Variants in GOSR2 observed in about 807,000 individuals in gnomAD.
The protein encoded by GOSR2 is golgi SNAP receptor complex member 2.
GOSR2 carries 20 observed loss-of-function variants against 27.9 expected under a neutral mutation model. That is an observed-to-expected ratio of 0.72 (90% CI 0.50 to 1.04). GOSR2 has a LOEUF of 1.04. GOSR2 is among the 50% of genes least tolerant of loss of function. GOSR2 has a pLI of 0.00. For synonymous variants in GOSR2, 91 were observed against 98.8 expected, an observed-to-expected ratio of 0.92 and a Z score of 0.47; for missense variants, 261 against 270.5, an observed-to-expected ratio of 0.97 and a Z score of 0.25.
At chr17:46,936,075 A>G in intron 5 of GOSR2, 33 of 985,826 alleles carry the variant, frequency 3.3e-5, no homozygotes, top group Non-Finnish European at 4.0e-5. Context: ...AGGGTCAGGC[A>G]AGCTGCAAGT....
At position 46,938,896 on chromosome 17, in the gene GOSR2, G is replaced by A; in HGVS notation, c.*136G>A. On this transcript the variant is annotated 3_prime_UTR_variant, in exon 6 of 6. Transcript: ENST00000640051. The stretch of plus-strand genomic sequence containing the variant: ...ACTGTGAAGACACTTGGGAGTGATT[G>A]TGGTCTAATTTCCAACCTGCTCTGT... The A allele has an allele frequency of 2.6e-6, 4 of 1,539,946 alleles. No individual in the cohort carries two copies. The highest frequency in any genetic ancestry group is 3.5e-6 in the Non-Finnish European group (4 of 1,145,616).
At chr17:46,936,488 C>A in intron 5 of GOSR2, 2 of 985,498 alleles carry the variant, frequency 2.0e-6, no homozygotes, top group Middle Eastern at 1.0e-3. Flanking sequence ...CTGTGGCTAC[C>A]TGGTGTTTGT....
At chr17:46,930,089 T>C (rs891578737) in intron 2 of GOSR2, 1 of 156,224 alleles carries the variant, frequency 6.4e-6, no homozygotes, top group Non-Finnish European at 1.4e-5. Flanking sequence ...GTCCTTTTTC[T>C]GAGTTGGTCA....
downstream of GOSR2, among the ~76,000 whole-genome samples, chr17:46,944,140 G>C (rs1291110501): frequency 6.6e-6 from 1 of 152,244 alleles, no homozygotes; most frequent in East Asian, 1.9e-4. Context: ...GTGGCTGACA[G>C]TACAAGAGGG....
rs1491331720 is a variant in GOSR2, at chr17:46,939,595, TAC to T, written c.*837_*838del. On this transcript the variant is annotated 3_prime_UTR_variant, in exon 6 of 6. Transcript: ENST00000640051. ...AGGCAAAGATTTGTGATTTTCCAAT[TAC>T]AGTCTCAGCTCTAGTTTTAGTATCT... 1 of 985,310 alleles carries T rather than the reference TAC, an allele frequency of 1.0e-6. No homozygotes were observed. Among genetic ancestry groups the T allele is most frequent in the African/African-American group, 1.7e-5 (1 of 57,250 alleles). 61.0% of individuals were successfully genotyped at this position (985,310 alleles called of 1,614,324 possible).
chr17:46,929,125 A>G (rs1295701656), intron 1 of GOSR2, among the ~76,000 whole-genome samples: 2 of 152,166 alleles, frequency 1.3e-5, no homozygotes, highest in African/African-American at 4.8e-5. Context: ...AGTGCTTAGC[A>G]CATTAGGTCG....
chr17:46,963,991 A>AT (rs901997472), intron 6 of GOSR2: 9 of 152,008 alleles, frequency 5.9e-5, no homozygotes, highest in South Asian at 2.1e-4. Context: ...TAATTGACTT[A>AT]TTTTTTGTAG....
chr17:46,938,264 T>A (rs2147041881), intron 5 of GOSR2, among the ~76,000 whole-genome samples: 1 of 152,358 alleles, frequency 6.6e-6, no homozygotes, highest in Non-Finnish European at 1.5e-5. Context: ...AATTAATTTT[T>A]ATGTATAATG....
At position 46,974,184 on chromosome 17, in the gene GOSR2, C is replaced by T. The variant is rs146510691; in HGVS notation, c.616-1015C>T. On this transcript the variant is annotated intron_variant, in intron 6 of 6. Coordinates refer to the GOSR2 transcript ENST00000640723. ...GGGGGATTTGACCTAGGCCCTGAGA[C>T]GCATGGAACCAGCTACCTGGGGAGC... is the stretch of plus-strand genomic sequence containing the variant. Among the ~76,000 whole-genome samples, 13 of 152,346 alleles carry T rather than the reference C, an allele frequency of 8.5e-5. No homozygotes were observed. In the East Asian group the frequency reaches 1.4e-3, roughly 16 times the overall value.
intron 5 of GOSR2, among the ~76,000 whole-genome samples, chr17:46,938,366 A>G (rs2088765463): frequency 6.6e-6 from 1 of 152,200 alleles, no homozygotes; most frequent in Admixed American, 6.5e-5. Context: ...CAGTCGTTCC[A>G]GCACCATTTG....
At chr17:46,947,523 A>G (rs1429730923) in intron 6 of GOSR2, among the ~76,000 whole-genome samples, 1 of 152,186 alleles carries the variant, frequency 6.6e-6, no homozygotes. Context: ...GACAAGCCCC[A>G]CTGTCCTAGG....
chr17:46,968,984 C>T (rs1225426203), downstream of GOSR2: 2 of 152,880 alleles, frequency 1.3e-5, no homozygotes, highest in African/African-American at 4.8e-5. Context: ...GAAAGCATCC[C>T]TGCCGACACC....
Position 46,938,708 on chromosome 17 carries a change from G to T in GOSR2, c.587G>T (p.Gly196Val). The change falls in exon 6 of 6, where the codon GGG (glycine) becomes GTG (valine). Residue 196 changes from glycine to valine, a missense_variant. Physicochemically the swap from Gly to Val is moderately radical, Grantham distance 109 (BLOSUM62 -3). Coordinates refer to ENST00000640051, the MANE Select transcript of GOSR2 (RefSeq NM_004287.5). ...CAGGACAAGTACTTTATGATAGGTG[G>T]GATGCTGCTGACCTGTGTGGTCATG... is the stretch of plus-strand genomic sequence containing the variant. The part of the protein sequence containing the change: ...AFQDKYFMIG[G>V]MLLTCVVMFL... The T allele has an allele frequency of 6.2e-7, 1 of 1,613,988 alleles. No homozygotes were observed. Among genetic ancestry groups the T allele is most frequent in the Non-Finnish European group, 8.5e-7 (1 of 1,179,946 alleles).
intron 1 of GOSR2, among the ~76,000 whole-genome samples, chr17:46,926,667 G>C (rs2086546906): frequency 6.6e-6 from 1 of 152,212 alleles, no homozygotes; most frequent in Admixed American, 6.5e-5. Context: ...GTTTGAGACA[G>C]ATTTTGCACT....
chr17:46,949,543 CACG>C (rs2090172748), intron 6 of GOSR2, among the ~76,000 whole-genome samples: 1 of 152,170 alleles, frequency 6.6e-6, no homozygotes, highest in Non-Finnish European at 1.5e-5. Flanking sequence ...ATGGAATTGA[CACG>C]GTGGGTGGCC....
rs561874549 is a variant in GOSR2, at chr17:46,936,536, G to A, written c.477+1367G>A. 60 of 985,562 alleles carry A rather than the reference G, an allele frequency of 6.1e-5. No homozygotes were observed. In the Admixed American group the frequency reaches 9.2e-4, roughly 15 times the overall value. 61.1% of individuals were successfully genotyped at this position (985,562 alleles called of 1,614,324 possible). A position where few individuals can be genotyped will look rare whatever the true frequency, so the allele number is the denominator to read the frequency against. On this transcript the variant is annotated intron_variant, in intron 5 of 5. Transcript: ENST00000640051. The stretch of plus-strand genomic sequence containing the variant: ...TCCACCTGCCTCACACCCTGCCTCC[G>A]TCGGGATTTTCCACCTACACCATTC...
At position 46,940,829 on chromosome 17, in the gene GOSR2, A is replaced by G; in HGVS notation, c.*2069A>G. On this transcript the variant is annotated 3_prime_UTR_variant, in exon 6 of 6. Coordinates refer to ENST00000640051, the MANE Select transcript of GOSR2 (RefSeq NM_004287.5). ...TCTTTACCACCTGCGGCTGGTGGAC[A>G]GCAGCCAGTGTGTCTGGACACCCAG... 6.8e-7 allele frequency: 1 copy of G among 1,462,748 alleles called. No individual in the cohort carries two copies. The highest frequency in any genetic ancestry group is 9.0e-7 in the Non-Finnish European group (1 of 1,108,708). The allele number at this position is 1,462,748 out of a possible 1,614,324, so 90.6% of individuals were successfully genotyped here. A position where few individuals can be genotyped will look rare whatever the true frequency, so the allele number is the denominator to read the frequency against.
At chr17:46,944,628 CTCAT>C (rs2089675673), downstream of GOSR2, among the ~76,000 whole-genome samples, 2 of 147,726 alleles carry the variant, frequency 1.4e-5, no homozygotes, top group Non-Finnish European at 3.0e-5. Context: ...TTTTTTTCCT[CTCAT>C]TCTGTTGCCC....
downstream of GOSR2, among the ~76,000 whole-genome samples, chr17:46,970,461 A>G (rs1597789739): frequency 6.7e-6 from 1 of 149,082 alleles, no homozygotes; most frequent in African/African-American, 2.5e-5. Context: ...AATTGCTTGA[A>G]CCTGGGAGGC....
Sources: allele counts gnomAD v4.1 joint callset (sites outside exome capture counted in the v4.1 genomes callset), GRCh38; gene constraint gnomAD v4.1.1; transcripts MANE v1.5; gene names NCBI Gene and HGNC (gene_info 2026-07-23, HGNC 2026-07-21).